The following HDAC9 variants were observed in gnomAD, a reference collection of about 807,000 sequenced individuals.
HDAC9 encodes MEF-2 interacting transcription repressor (MITR) protein.
HDAC9 carries 41 observed loss-of-function variants against 139.4 expected under a neutral mutation model. The ratio of observed to expected loss-of-function variants is 0.29; its 90% CI spans 0.23 to 0.38. The LOEUF (loss-of-function observed/expected upper bound fraction) is 0.38. HDAC9 is among the 10% of genes least tolerant of loss of function. The probability of loss-of-function intolerance (pLI) is 1.00; values close to 1 mark genes in which losing one functional copy is unlikely to be tolerated. For synonymous variants in HDAC9, 517 were observed against 476.2 expected (o/e 1.09, Z -1.12); for missense variants, 1,147 against 1,297.0 (o/e 0.88, Z 1.78).
intron 2 of HDAC9, among the ~76,000 whole-genome samples, chr7:18,269,701 A>G (rs1796228864): frequency 6.6e-6 from 1 of 152,082 alleles, no homozygotes; most frequent in African/African-American, 2.4e-5. Context: ...TAGCCTGGGC[A>G]ACAGAGGGAG....
intron 1 of HDAC9, among the ~76,000 whole-genome samples, chr7:18,489,162 C>G (rs963409873): frequency 6.6e-6 from 1 of 151,978 alleles, no homozygotes. Flanking sequence ...GAGTGACATA[C>G]TATGTGCCAG....
intron 2 of HDAC9, among the ~76,000 whole-genome samples, chr7:18,172,234 C>T (rs543645060): frequency 2.0e-5 from 3 of 151,734 alleles, no homozygotes; most frequent in Admixed American, 6.6e-5. Context: ...ATTTGCATAG[C>T]GGTTTTTATA....
chr7:18,193,487 G>GTT (rs2128152677), intron 2 of HDAC9, among the ~76,000 whole-genome samples: 1 of 152,228 alleles, frequency 6.6e-6, no homozygotes, highest in African/African-American at 2.4e-5. Flanking sequence ...GAAGTAAAAG[G>GTT]GGGTTTCGTT....
intron 2 of HDAC9, among the ~76,000 whole-genome samples, chr7:18,182,705 A>G (rs1023801738): frequency 6.6e-6 from 1 of 152,218 alleles, no homozygotes. Flanking sequence ...AAGGTCTTAC[A>G]GTAAATCTAG....
At chr7:18,874,123 T>C (rs1799137040) in intron 21 of HDAC9, among the ~76,000 whole-genome samples, 1 of 152,092 alleles carries the variant, frequency 6.6e-6, no homozygotes, top group Non-Finnish European at 1.5e-5. Context: ...GACTTTCCTC[T>C]GTAAAACATT....
chr7:18,123,959 G>A (rs989977501), intron 1 of HDAC9, among the ~76,000 whole-genome samples: 1 of 152,138 alleles, frequency 6.6e-6, no homozygotes, highest in African/African-American at 2.4e-5. Context: ...AAAGGAGAAA[G>A]AATGAGGGGT....
chr7:18,392,307 TCTCTCTCTCA>T (rs1349147487), intron 1 of HDAC9, among the ~76,000 whole-genome samples: 347 of 137,594 alleles, frequency 2.5e-3, no homozygotes, highest in Admixed American at 5.0e-3. Flanking sequence ...TCTCTCTCTC[TCTCTCTCTCA>T]CACACACACA....
At chr7:18,654,929 C>T (rs1044935417) in intron 11 of HDAC9, among the ~76,000 whole-genome samples, 4 of 152,118 alleles carry the variant, frequency 2.6e-5, no homozygotes, top group Non-Finnish European at 2.9e-5. Context: ...AGAGTGAATG[C>T]AGTACAGAGC....
In HDAC9 at chr7:19,001,780, G is replaced by C. The variant is rs1345103078; in HGVS notation, c.*5718G>C. The C allele has an allele frequency of 6.6e-6, 1 of 152,044 alleles. No individual in the cohort carries two copies. The highest frequency in any genetic ancestry group is 2.4e-5 in the African/African-American group (1 of 41,420). The allele number at this position is 152,044 out of a possible 1,614,324, so 9.4% of individuals were successfully genotyped here. On this transcript the variant is annotated 3_prime_UTR_variant, in exon 26 of 26. Coordinates refer to ENST00000686413, the MANE Select transcript of HDAC9 (RefSeq NM_178425.4). ...GTATAACAAACAAGCCGTTAAAAAT[G>C]AGTGACCATTTTGTAGGTTACAGCC...
chr7:18,107,970 G>T (rs2128079456), intron 1 of HDAC9, among the ~76,000 whole-genome samples: 2 of 152,276 alleles, frequency 1.3e-5, no homozygotes, highest in South Asian at 4.1e-4. Flanking sequence ...CTTAGACAAA[G>T]ATTTGAGTGC....
At chr7:18,765,771 C>A (rs911531048) in intron 15 of HDAC9, among the ~76,000 whole-genome samples, 1 of 152,044 alleles carries the variant, frequency 6.6e-6, no homozygotes, top group Admixed American at 6.6e-5. Context: ...TTAGGAACAA[C>A]AACATAAGAA....
intron 11 of HDAC9, among the ~76,000 whole-genome samples, chr7:18,653,829 A>G (rs1190169911): frequency 6.6e-6 from 1 of 152,112 alleles, no homozygotes; most frequent in Non-Finnish European, 1.5e-5. Flanking sequence ...TATCTGTATT[A>G]TTCCTTTTTT....
intron 2 of HDAC9, among the ~76,000 whole-genome samples, chr7:18,536,877 A>T (rs1483270344): frequency 6.6e-6 from 1 of 152,262 alleles, no homozygotes; most frequent in East Asian, 1.9e-4. Context: ...AAGATAGAAT[A>T]TTCTAAAATA....
intron 2 of HDAC9, among the ~76,000 whole-genome samples, chr7:18,508,856 T>G (rs1052463677): frequency 1.3e-5 from 2 of 152,212 alleles, no homozygotes; most frequent in African/African-American, 4.8e-5. Flanking sequence ...GTGCCAGGTA[T>G]TTAATTCAGG....
At chr7:18,145,637 C>A (rs996844034) in intron 1 of HDAC9, among the ~76,000 whole-genome samples, 8 of 152,096 alleles carry the variant, frequency 5.3e-5, no homozygotes, top group African/African-American at 1.7e-4. Context: ...CTCCAGAAGA[C>A]TGACTGGAGC....
rs1562893448 is a variant in HDAC9, at chr7:18,732,902, C to CGTGTGCGTATGTGTATACACACGT, written c.1909+5150_1909+5173dup. Among the ~76,000 whole-genome samples the CGTGTGCGTATGTGTATACACACGT allele has an allele frequency of 3.3e-4, 20 of 61,214 alleles. 5 individuals are homozygous for CGTGTGCGTATGTGTATACACACGT. Among genetic ancestry groups the CGTGTGCGTATGTGTATACACACGT allele is most frequent in the Admixed American group, 5.5e-4 (4 of 7,242 alleles). 40.2% of individuals were successfully genotyped at this position (61,214 alleles called of 152,430 possible). A position where few individuals can be genotyped will look rare whatever the true frequency, so the allele number is the denominator to read the frequency against. ...ACGTGTGCGTATGTGTACACACACA[C>CGTGTGCGTATGTGTATACACACGT]GTGTGCGTATGTGTATACACACGTG... On this transcript the variant is annotated intron_variant, in intron 13 of 25. Coordinates refer to ENST00000686413, the MANE Select transcript of HDAC9 (RefSeq NM_178425.4).
chr7:18,220,251 T>G (rs1393234052), intron 2 of HDAC9, among the ~76,000 whole-genome samples: 1 of 152,172 alleles, frequency 6.6e-6, no homozygotes, highest in Non-Finnish European at 1.5e-5. Flanking sequence ...AAATATTTAT[T>G]TTTTGCACCA....
intron 25 of HDAC9, among the ~76,000 whole-genome samples, chr7:18,994,662 A>ATCTT (rs924319332): frequency 3.3e-5 from 5 of 152,166 alleles, no homozygotes; most frequent in African/African-American, 1.2e-4. Flanking sequence ...TATGGTTAAA[A>ATCTT]TCTTTCTTTT....
intron 12 of HDAC9, among the ~76,000 whole-genome samples, chr7:18,683,293 T>TA (rs887447097): frequency 4.0e-5 from 6 of 151,332 alleles, no homozygotes; most frequent in Admixed American, 6.6e-5. Flanking sequence ...ATGAAAAAAA[T>TA]AAAAAATACA....
Sources: allele counts gnomAD v4.1 joint callset (sites outside exome capture counted in the v4.1 genomes callset), GRCh38; gene constraint gnomAD v4.1.1; transcripts MANE v1.5; gene names NCBI Gene and HGNC (gene_info 2026-07-23, HGNC 2026-07-21).